The following FGF12 variants were observed in gnomAD, a reference collection of about 807,000 sequenced individuals.
The protein encoded by FGF12 is fibroblast growth factor 12, also known as fibroblast growth factor 12B.
FGF12 carries 14 observed loss-of-function variants against 23.6 expected under a neutral mutation model. That is an observed-to-expected ratio of 0.59 (90% CI 0.39 to 0.93). The LOEUF (loss-of-function observed/expected upper bound fraction) is 0.93. Ranked by LOEUF, FGF12 falls within the 40% of genes least tolerant of loss-of-function variation. FGF12 has a pLI of 0.00. For missense variants in FGF12, 175 were observed against 217.8 expected (o/e 0.80, Z 1.24); for synonymous variants, 62 against 77.3 (o/e 0.80, Z 1.04).
chr3:192,362,813 G>A (rs1402844742), intron 2 of FGF12, among the ~76,000 whole-genome samples: 1 of 152,126 alleles, frequency 6.6e-6, no homozygotes, highest in African/African-American at 2.4e-5. Context: ...GGAGGTAAAA[G>A]AAGCATTCTG....
At chr3:192,366,754 G>A (rs762773987) in intron 2 of FGF12, among the ~76,000 whole-genome samples, 24 of 152,226 alleles carry the variant, frequency 1.6e-4, no homozygotes, top group Non-Finnish European at 2.8e-4. Context: ...CAGTGGCCGT[G>A]CAGCCTAGAA....
chr3:192,343,950 C>A (rs1717824239), intron 3 of FGF12, among the ~76,000 whole-genome samples: 1 of 152,102 alleles, frequency 6.6e-6, no homozygotes. Flanking sequence ...ATTCTTTTAG[C>A]TTTTAAGTCA....
At chr3:192,503,126 T>C (rs1724183064) in intron 2 of FGF12, among the ~76,000 whole-genome samples, 1 of 152,182 alleles carries the variant, frequency 6.6e-6, no homozygotes, top group Non-Finnish European at 1.5e-5. Context: ...ATACTTACAG[T>C]GTTTCTTAGA....
chr3:192,338,305 G>A (rs767922545), intron 3 of FGF12, among the ~76,000 whole-genome samples: 24 of 151,926 alleles, frequency 1.6e-4, no homozygotes, highest in Non-Finnish European at 2.2e-4. Flanking sequence ...GGCTGGTCTC[G>A]AACTCCTGAC....
chr3:192,403,754 A>T (rs9291023), intron 2 of FGF12, among the ~76,000 whole-genome samples: 5,117 of 152,160 alleles, frequency 0.034, 274 homozygotes, highest in African/African-American at 0.12. Context: ...ATATTCCATA[A>T]ATCACATGAT....
chr3:192,423,772 A>C (rs1015309957), intron 2 of FGF12, among the ~76,000 whole-genome samples: 2 of 152,168 alleles, frequency 1.3e-5, no homozygotes, highest in Admixed American at 6.6e-5. Context: ...TCTATTAAAG[A>C]CTATATTTTA....
chr3:192,228,196 C>T (rs1022829147), intron 4 of FGF12, among the ~76,000 whole-genome samples: 1 of 151,914 alleles, frequency 6.6e-6, no homozygotes, highest in African/African-American at 2.4e-5. Context: ...TACAAATCAG[C>T]TTAATTTAAT....
At chr3:192,564,043 T>G (rs1299032924) in intron 2 of FGF12, among the ~76,000 whole-genome samples, 1 of 151,790 alleles carries the variant, frequency 6.6e-6, no homozygotes, top group Non-Finnish European at 1.5e-5. Flanking sequence ...TTTTGTTTTT[T>G]TTTGTTTGTT....
At chr3:192,355,858 T>A (rs1019034461) in intron 3 of FGF12, among the ~76,000 whole-genome samples, 2 of 152,130 alleles carry the variant, frequency 1.3e-5, no homozygotes, top group Non-Finnish European at 2.9e-5. Flanking sequence ...TAGGAAACAT[T>A]TTTGTTTTCG....
chr3:192,286,563 C>A (rs1714458962), intron 4 of FGF12, among the ~76,000 whole-genome samples: 1 of 151,846 alleles, frequency 6.6e-6, no homozygotes, highest in Admixed American at 6.6e-5. Flanking sequence ...CAGAGGTTTT[C>A]AACAAGGAAA....
intron 2 of FGF12, among the ~76,000 whole-genome samples, chr3:192,423,754 T>C (rs1721607104): frequency 6.6e-6 from 1 of 152,158 alleles, no homozygotes; most frequent in Non-Finnish European, 1.5e-5. Flanking sequence ...GGTATAAGGT[T>C]TAATTTTTCT....
chr3:192,674,373 A>G (rs994449174), intron 2 of FGF12, among the ~76,000 whole-genome samples: 2 of 152,224 alleles, frequency 1.3e-5, no homozygotes, highest in Non-Finnish European at 2.9e-5. Flanking sequence ...GTTCATTGCT[A>G]AACACTTATT....
At chr3:192,664,605 C>CAAAAAAAA (rs763256973) in intron 2 of FGF12, among the ~76,000 whole-genome samples, 1 of 111,922 alleles carries the variant, frequency 8.9e-6, no homozygotes. Flanking sequence ...AAAAAAAATA[C>CAAAAAAAA]AAAAAAAAAA....
intron 2 of FGF12, among the ~76,000 whole-genome samples, chr3:192,437,951 GTTC>G (rs577366789): frequency 1.1e-3 from 164 of 152,202 alleles, no homozygotes; most frequent in African/African-American, 3.8e-3. Flanking sequence ...TCTGAATTCT[GTTC>G]TTCTTTGGCA....
intron 2 of FGF12, chr3:192,407,952 G>A: frequency 6.8e-7 from 1 of 1,462,786 alleles, no homozygotes; most frequent in Non-Finnish European, 9.1e-7. Flanking sequence ...TTCCACGGGG[G>A]TCCCGAGGTG....
intron 4 of FGF12, among the ~76,000 whole-genome samples, chr3:192,191,918 G>A (rs1008951104): frequency 6.6e-6 from 1 of 152,120 alleles, no homozygotes; most frequent in Non-Finnish European, 1.5e-5. Flanking sequence ...CAGAGTAGGG[G>A]AAAGGTTCCC....
At chr3:192,690,688 G>A (rs1203414647) in intron 2 of FGF12, among the ~76,000 whole-genome samples, 10 of 151,182 alleles carry the variant, frequency 6.6e-5, no homozygotes, top group Admixed American at 2.6e-4. Flanking sequence ...AATATCAATA[G>A]TAAATCCTTA....
intron 3 of FGF12, among the ~76,000 whole-genome samples, chr3:192,358,196 A>G (rs1355992494): frequency 6.6e-6 from 1 of 152,030 alleles, no homozygotes; most frequent in East Asian, 1.9e-4. Context: ...GGGAGTTATT[A>G]TATCTGGTAA....
At chr3:192,190,666 G>T (rs1016023072) in intron 4 of FGF12, among the ~76,000 whole-genome samples, 3 of 151,326 alleles carry the variant, frequency 2.0e-5, no homozygotes, top group Non-Finnish European at 4.4e-5. Flanking sequence ...TAGTAGAGAC[G>T]GGGTTTCACC....
Sources: allele counts gnomAD v4.1 joint callset (sites outside exome capture counted in the v4.1 genomes callset), GRCh38; gene constraint gnomAD v4.1.1; transcripts MANE v1.5; gene names NCBI Gene and HGNC (gene_info 2026-07-23, HGNC 2026-07-21).